PLCG2: variants seen among roughly 807,000 people sequenced by gnomAD.
PLCG2 encodes phospholipase C gamma 2.
In PLCG2, 69 loss-of-function variants were observed where a neutral mutation model predicts 175.6. The ratio of observed to expected loss-of-function variants is 0.39; its 90% CI spans 0.32 to 0.48. PLCG2 has a LOEUF of 0.48. Ranked by LOEUF, PLCG2 falls within the 20% of genes least tolerant of loss-of-function variation. PLCG2 has a pLI of 0.91. For synonymous variants in PLCG2, 827 were observed against 624.0 expected (o/e 1.33, Z -4.85); for missense variants, 1,798 against 1,650.9 (o/e 1.09, Z -1.54).
intron 2 of PLCG2, among the ~76,000 whole-genome samples, chr16:81,795,275 G>A (rs1422857003): frequency 4.6e-5 from 7 of 152,186 alleles, no homozygotes; most frequent in Admixed American, 2.0e-4. Context: ...CATTAGTCAG[G>A]AGCACTAGCC....
chr16:81,845,659 C>T (rs567074133), intron 2 of PLCG2, among the ~76,000 whole-genome samples: 2 of 152,352 alleles, frequency 1.3e-5, no homozygotes, highest in South Asian at 4.1e-4. Flanking sequence ...GGCTTGAATG[C>T]ACTGCGTTGA....
intron 5 of PLCG2, among the ~76,000 whole-genome samples, chr16:81,862,694 A>AC (rs1907041083): frequency 6.6e-6 from 1 of 151,782 alleles, no homozygotes; most frequent in Non-Finnish European, 1.5e-5. Context: ...ACATGGGGAA[A>AC]CCCTGTCTAT....
chr16:81,797,528 G>C (rs1015682433), intron 2 of PLCG2, among the ~76,000 whole-genome samples: 1 of 152,230 alleles, frequency 6.6e-6, no homozygotes, highest in Non-Finnish European at 1.5e-5. Context: ...GGAGGCCAGG[G>C]ACCCTGTCTG....
intron 2 of PLCG2, among the ~76,000 whole-genome samples, chr16:81,815,537 C>T (rs1318850614): frequency 2.6e-5 from 4 of 152,198 alleles, no homozygotes; most frequent in Admixed American, 2.6e-4. Flanking sequence ...CCTGCCCTGC[C>T]TGGGCTCTGT....
chr16:81,952,563 A>G (rs1232015325), intron 31 of PLCG2, among the ~76,000 whole-genome samples: 2 of 152,230 alleles, frequency 1.3e-5, no homozygotes, highest in Non-Finnish European at 2.9e-5. Flanking sequence ...AAAGGGGCCT[A>G]GGAACCAACC....
In PLCG2 at chr16:81,962,228, G is replaced by C; in HGVS notation, c.*4230G>C. ...TGGAAGCAAAAAGGATGGCTAAAAA[G>C]GACCTCAACCCTTTTGACTTTAAAA... On this transcript the variant is annotated 3_prime_UTR_variant, in exon 33 of 33. Transcript: ENST00000564138. 1 of 190,516 alleles carries C rather than the reference G, an allele frequency of 5.2e-6. No individual in the cohort carries two copies. Among genetic ancestry groups the C allele is most frequent in the East Asian group, 8.4e-5 (1 of 11,852 alleles). The allele number at this position is 190,516 out of a possible 1,614,324, so 11.8% of individuals were successfully genotyped here.
intron 30 of PLCG2, 68 bp downstream of exon 30, chr16:81,940,127 C>G: frequency 7.5e-7 from 1 of 1,336,560 alleles, no homozygotes; most frequent in Non-Finnish European, 1.1e-6. Context: ...CTGCTGGCTT[C>G]AAAAAGAATG....
intron 1 of PLCG2, among the ~76,000 whole-genome samples, chr16:81,745,223 G>A (rs1756090132): frequency 6.6e-6 from 1 of 152,104 alleles, no homozygotes; most frequent in Non-Finnish European, 1.5e-5. Context: ...GGCATTCCTA[G>A]CCTCCCTCCC....
chr16:81,878,128 GC>G (rs1567512437), intron 7 of PLCG2, among the ~76,000 whole-genome samples: 1 of 151,430 alleles, frequency 6.6e-6, no homozygotes, highest in Non-Finnish European at 1.5e-5. Flanking sequence ...GACTACAGGC[GC>G]CCACCACCAC....
At chr16:81,876,702 A>G (rs900041870) in intron 7 of PLCG2, among the ~76,000 whole-genome samples, 10 of 152,222 alleles carry the variant, frequency 6.6e-5, no homozygotes, top group African/African-American at 2.2e-4. Context: ...TCCTGACCTC[A>G]CTGGCCCTTT....
At chr16:81,820,786 A>T (rs1287691956) in intron 2 of PLCG2, among the ~76,000 whole-genome samples, 2 of 151,352 alleles carry the variant, frequency 1.3e-5, no homozygotes, top group Non-Finnish European at 2.9e-5. Context: ...ATGCCTGGCT[A>T]ATTTTTGTAT....
chr16:81,834,906 A>G (rs541051239), intron 2 of PLCG2, among the ~76,000 whole-genome samples: 10 of 152,276 alleles, frequency 6.6e-5, no homozygotes, highest in African/African-American at 2.4e-4. Flanking sequence ...GCCTTGGTCC[A>G]TTGTAGAACT....
chr16:81,888,460 C>T (rs545594986), intron 9 of PLCG2, among the ~76,000 whole-genome samples: 126 of 152,326 alleles, frequency 8.3e-4, no homozygotes, highest in African/African-American at 2.8e-3. Flanking sequence ...CTCCTGAGCT[C>T]AGGCAGTCCA....
At chr16:81,953,127 A>G (rs1313102489) in intron 31 of PLCG2, among the ~76,000 whole-genome samples, 2 of 152,214 alleles carry the variant, frequency 1.3e-5, no homozygotes, top group Admixed American at 6.5e-5. Flanking sequence ...ATAACTGACT[A>G]GTATTCTTCC....
chr16:81,844,598 C>T (rs1001544843), intron 2 of PLCG2, among the ~76,000 whole-genome samples: 14 of 151,920 alleles, frequency 9.2e-5, no homozygotes, highest in Middle Eastern at 3.2e-3. Flanking sequence ...CTGGGATTAC[C>T]GGCGTGAGCC....
At chr16:81,777,740 G>A (rs1391527417), upstream of PLCG2, among the ~76,000 whole-genome samples, 7 of 152,054 alleles carry the variant, frequency 4.6e-5, no homozygotes, top group African/African-American at 1.7e-4. Context: ...AACAGGCCGG[G>A]TGCAGTGGCT....
chr16:81,903,003 C>T lies in PLCG2; in HGVS notation c.1362+2223C>T, dbSNP rs567101347. On this transcript the variant is annotated intron_variant, in intron 14 of 32. Coordinates refer to ENST00000564138, the MANE Select transcript of PLCG2 (RefSeq NM_002661.5). Reference sequence around the variant, plus strand: ...CTCCCACTGGGTTCCTCCTATGACACGTGGGAATTATAGGAGCTGCAATTC... The same window carrying T: ...CTCCCACTGGGTTCCTCCTATGACATGTGGGAATTATAGGAGCTGCAATTC... Among the ~76,000 whole-genome samples the T allele has an allele frequency of 7.9e-5, 12 of 152,266 alleles. No individual in the cohort carries two copies. In the South Asian group the frequency reaches 1.0e-3, roughly 13 times the overall value.
chr16:81,858,437 GGAAAA>G (rs1353413092), intron 4 of PLCG2, 81 bp downstream of exon 4: 45 of 286,582 alleles, frequency 1.6e-4, no homozygotes, highest in East Asian at 5.2e-4. Context: ...GCTACAGGGG[GGAAAA>G]AAAAAAAAAG....
chr16:81,744,036 T>G (rs1909653022), intron 1 of PLCG2, among the ~76,000 whole-genome samples: 1 of 151,928 alleles, frequency 6.6e-6, no homozygotes, highest in Non-Finnish European at 1.5e-5. Context: ...TTTTTTGTAT[T>G]TTTAGTAAAG....
Sources: gnomAD v4.1 joint callset for allele counts (sites outside exome capture counted in the v4.1 genomes callset) on GRCh38, gnomAD v4.1.1 for gene constraint, MANE v1.5 for transcripts, NCBI Gene and HGNC (gene_info 2026-07-23, HGNC 2026-07-21) for gene names.